The following SELENOH variants were observed in gnomAD, a reference collection of about 807,000 sequenced individuals.
The protein encoded by SELENOH is chromosome 11 open reading frame 31.
Under a neutral mutation model 11.9 loss-of-function variants are expected in SELENOH, and 13 were observed. That is an observed-to-expected ratio of 1.09 (90% CI 0.71 to 1.74). SELENOH has a LOEUF of 1.74. Ranked by LOEUF, SELENOH falls within the 40% of genes most tolerant of loss-of-function variation. The pLI is 0.00. For synonymous variants in SELENOH, 96 were observed against 73.5 expected (o/e 1.31, Z -1.56); for missense variants, 223 against 170.3 (o/e 1.31, Z -1.72).
Position 57,741,953 on chromosome 11 carries a change from C to CA in SELENOH, c.268dup (p.Ser90LysfsTer?), listed in dbSNP as rs781446739. The stretch of plus-strand genomic sequence containing the variant: ...TGACGCTGCTGCGCCCGGACGGCAG[C>CA]AGTAAGTGGGGACCTGGATGTGGGG... On this transcript the variant is annotated frameshift_variant and splice_region_variant, in exon 2 of 4. Coordinates refer to ENST00000534355, the MANE Select transcript of SELENOH (RefSeq NM_170746.4). LOFTEE classifies it high-confidence loss of function. 2,719 of 1,587,126 alleles carry CA rather than the reference C, an allele frequency of 1.7e-3. 20 individuals are homozygous for CA. The highest frequency in any genetic ancestry group is 1.0e-3 in the Non-Finnish European group (1,169 of 1,170,848).
intron 2 of SELENOH, 44 bp from the exon 3 acceptor site, chr11:57,742,073 T>C (rs529341659): frequency 6.3e-7 from 1 of 1,593,088 alleles, no homozygotes; most frequent in Non-Finnish European, 8.6e-7. Context: ...GACGTGCTCG[T>C]GGGTTCCGAA....
At chr11:57,742,020 G>A in intron 2 of SELENOH, 66 bp downstream of exon 2, 1 of 1,581,270 alleles carries the variant, frequency 6.3e-7, no homozygotes, top group Non-Finnish European at 8.6e-7. Context: ...CCGAAGACAG[G>A]AAGCGCTATT....
rs765394503 is a variant in SELENOH at position 57,741,645 on chromosome 11, T to G, written c.50T>G (p.Val17Gly). The change falls in exon 1 of 4, where the codon GTA (valine) becomes GGA (glycine). Residue 17 changes from valine (V) to glycine (G), a missense_variant. By Grantham distance (109) the Val-to-Gly change is moderately radical (BLOSUM62 -3). Transcript: ENST00000534355. The stretch of plus-strand genomic sequence containing the variant: ...AAGGCTGAGGCCGCGGTGGTCGCCG[T>G]AGCCGAGAAGCGAGAGAAGCTGGCG... ...KRKAEAAVVA[V>G]AEKREKLANG... 1 of 1,389,634 alleles carries G rather than the reference T, an allele frequency of 7.2e-7. No individual in the cohort carries two copies. Among genetic ancestry groups the G allele is most frequent in the Non-Finnish European group, 9.4e-7 (1 of 1,067,154 alleles). 86.1% of individuals were successfully genotyped at this position (1,389,634 alleles called of 1,614,324 possible).
rs897952498 is a variant in SELENOH at position 57,743,057 on chromosome 11, ACTTAAT to A, written c.*231_*236del. ...TAAAGTATTTGAGTAATAGAGTAAA[ACTTAAT>A]CTTAAGGGATGGACAAAGCCAGCCT... On this transcript the variant is annotated 3_prime_UTR_variant, in exon 4 of 4. Coordinates refer to ENST00000534355, the MANE Select transcript of SELENOH (RefSeq NM_170746.4). 6.6e-6 allele frequency: 1 copy of A among 152,598 alleles called. No individual in the cohort carries two copies. Among genetic ancestry groups the A allele is most frequent in the African/African-American group, 2.4e-5 (1 of 41,432 alleles). The allele number at this position is 152,598 out of a possible 1,614,324, so 9.5% of individuals were successfully genotyped here.
intron 3 of SELENOH, 163 bp downstream of exon 3, chr11:57,742,410 T>G: frequency 1.7e-6 from 1 of 590,506 alleles, no homozygotes; most frequent in Admixed American, 3.2e-5. Flanking sequence ...GAGACCCTAT[T>G]TGAAAACAAA....
rs750927441 is a variant in SELENOH, at chr11:57,741,943, C to T, written c.257C>T (p.Pro86Leu). 66 of 1,587,700 alleles carry T rather than the reference C, an allele frequency of 4.2e-5. No homozygotes were observed. The highest frequency in any genetic ancestry group is 3.4e-4 in the Middle Eastern group (2 of 5,940). ...RGSFEVTLLR[P>L]DGSSAELWTG... ...AGCTTCGAGGTGACGCTGCTGCGCC[C>T]GGACGGCAGCAGTAAGTGGGGACCT... Residue 86 changes from proline to leucine, a missense_variant, in exon 2 of 4, where the codon CCG (proline) becomes CTG (leucine). Transcript: ENST00000534355.
At position 57,741,938 on chromosome 11, in the gene SELENOH, G is replaced by T. The variant is rs1007501025; in HGVS notation, c.252G>T (p.Leu84=). Residue 84 remains leucine (L), a synonymous_variant, in exon 2 of 4, where the codon CTG becomes CTT. Coordinates refer to ENST00000534355, the MANE Select transcript of SELENOH (RefSeq NM_170746.4). ...PRRGSFEVTL[L]RPDGSSAELW... ...GGGGCAGCTTCGAGGTGACGCTGCT[G>T]CGCCCGGACGGCAGCAGTAAGTGGG... 3.8e-6 allele frequency: 6 copies of T among 1,588,674 alleles called. No individual in the cohort carries two copies. The highest frequency in any genetic ancestry group is 5.1e-6 in the Non-Finnish European group (6 of 1,172,074).
intron 3 of SELENOH, chr11:57,742,519 A>G: frequency 2.6e-6 from 1 of 377,810 alleles, no homozygotes; most frequent in Non-Finnish European, 4.9e-6. Context: ...GGGGGTATGG[A>G]CAAGTTTTCC....
Position 57,741,664 on chromosome 11 carries a change from G to A in SELENOH, c.69G>A (p.Lys23=). 1 of 1,463,182 alleles carries A rather than the reference G, an allele frequency of 6.8e-7. No homozygotes were observed. Among genetic ancestry groups the A allele is most frequent in the Non-Finnish European group, 9.0e-7 (1 of 1,107,948 alleles). The allele number at this position is 1,463,182 out of a possible 1,614,324, so 90.6% of individuals were successfully genotyped here. ...TCGCCGTAGCCGAGAAGCGAGAGAA[G>A]CTGGCGAACGGCGGGGAGGGAATGG... The part of the protein sequence containing the change: ...AVVAVAEKRE[K]LANGGEGMEE... The change falls in exon 1 of 4, where the codon AAG becomes AAA. Residue 23 remains lysine, a synonymous_variant. Coordinates refer to ENST00000534355, the MANE Select transcript of SELENOH (RefSeq NM_170746.4).
chr11:57,741,776 G>T (rs772219776), intron 1 of SELENOH, 33 bp from the exon 2 acceptor site: 81 of 1,601,584 alleles, frequency 5.1e-5, no homozygotes, highest in Non-Finnish European at 6.8e-5. Context: ...GGGGCCAGGG[G>T]CCCCGGTTTC....
chr11:57,742,591 C>T (rs1414916300), intron 3 of SELENOH: 2 of 261,740 alleles, frequency 7.6e-6, no homozygotes, highest in Non-Finnish European at 1.5e-5. Context: ...CTGTTTGGTT[C>T]TTGGGTGTTC....
At position 57,741,506 on chromosome 11, in the gene SELENOH, C is replaced by A; in HGVS notation, c.-90C>A. 9.6e-7 allele frequency: 1 copy of A among 1,038,074 alleles called. No individual in the cohort carries two copies. Among genetic ancestry groups the A allele is most frequent in the Non-Finnish European group, 1.2e-6 (1 of 808,566 alleles). 64.3% of individuals were successfully genotyped at this position (1,038,074 alleles called of 1,614,324 possible). A position where few individuals can be genotyped will look rare whatever the true frequency, so the allele number is the denominator to read the frequency against. ...CTGTAGGAGCAGAGCTTCCGGGCTG[C>A]GCTCTTCGTTGCCCAGTTTCCGCTC... On this transcript the variant is annotated 5_prime_UTR_variant, in exon 1 of 4. Transcript: ENST00000534355.
chr11:57,742,139 TAAG>T lies in SELENOH; in HGVS notation c.295_297del (p.Lys99del), dbSNP rs1175156121. ...CAGGTGCGGAGCTCTGGACTGGGAT[TAAG>T]AAGGGGCCCCCACGCAAACTCAAAT... On this transcript the variant is annotated inframe_deletion, in exon 3 of 4. Coordinates refer to ENST00000534355, the MANE Select transcript of SELENOH (RefSeq NM_170746.4). 4 of 1,611,914 alleles carry T rather than the reference TAAG, an allele frequency of 2.5e-6. No individual in the cohort carries two copies. Among genetic ancestry groups the T allele is most frequent in the Non-Finnish European group, 3.4e-6 (4 of 1,179,054 alleles).
chr11:57,741,605 C>A lies in SELENOH; in HGVS notation c.10C>A (p.Arg4Ser), dbSNP rs750669116. The change falls in exon 1 of 4, where the codon CGC (arginine) becomes AGC (serine). Residue 4 changes from arginine to serine, a missense_variant. Arg to Ser is a moderately radical substitution (Grantham distance 110). Coordinates refer to ENST00000534355, the MANE Select transcript of SELENOH (RefSeq NM_170746.4). ...CCGGGCTCTAGGCGCCATGGCTCCC[C>A]GCGGGAGGAAGCGTAAGGCTGAGGC... is the stretch of plus-strand genomic sequence containing the variant. MAP[R>S]GRKRKAEAAV... 3 of 1,272,892 alleles carry A rather than the reference C, an allele frequency of 2.4e-6. No individual in the cohort carries two copies. In the East Asian group the frequency reaches 9.0e-5, roughly 38 times the overall value. The allele number at this position is 1,272,892 out of a possible 1,614,324, so 78.8% of individuals were successfully genotyped here.
chr11:57,741,762 G>C (rs569454280), intron 1 of SELENOH, 45 bp downstream of exon 1: 349 of 1,568,960 alleles, frequency 2.2e-4, no homozygotes, highest in Non-Finnish European at 2.8e-4. Flanking sequence ...CAGTGGCGCC[G>C]GGGGGGGCCA....
intron 3 of SELENOH, chr11:57,742,460 G>T: frequency 2.0e-6 from 1 of 499,656 alleles, no homozygotes; most frequent in Non-Finnish European, 3.6e-6. Context: ...TGTCTAGTGT[G>T]CCCTAAGTGG....
rs774408150 is a variant in SELENOH at position 57,741,745 on chromosome 11, G to A, written c.122+28G>A. On this transcript the variant is annotated intron_variant, in intron 1 of 3. Transcript: ENST00000534355. ...GAGGGGCCTGGAGAGTAACGGGAGA[G>A]AGGGAACAGTGGCGCCGGGGGGGGC... is the stretch of plus-strand genomic sequence containing the variant. 19 of 1,599,062 alleles carry A rather than the reference G, an allele frequency of 1.2e-5. No homozygotes were observed. In the South Asian group the frequency reaches 1.7e-4, roughly 14 times the overall value.
In SELENOH at chr11:57,741,545, C is replaced by T. The variant is rs941359180; in HGVS notation, c.-51C>T. 2.6e-5 allele frequency: 32 copies of T among 1,239,382 alleles called. No individual in the cohort carries two copies. The highest frequency in any genetic ancestry group is 3.1e-4 in the Middle Eastern group (1 of 3,222). 76.8% of individuals were successfully genotyped at this position (1,239,382 alleles called of 1,614,324 possible). A position where few individuals can be genotyped will look rare whatever the true frequency, so the allele number is the denominator to read the frequency against. ...CAGTTTCCGCTCAGTGGTCGCGTCT[C>T]CGCCCCCCACCCACCAGTCCCGCTG... On this transcript the variant is annotated 5_prime_UTR_variant, in exon 1 of 4. Coordinates refer to ENST00000534355, the MANE Select transcript of SELENOH (RefSeq NM_170746.4).
intron 2 of SELENOH, 26 bp downstream of exon 2, chr11:57,741,980 A>G (rs1246365048): frequency 5.1e-6 from 8 of 1,580,698 alleles, no homozygotes; most frequent in Non-Finnish European, 6.9e-6. Context: ...GATGTGGGGG[A>G]GAGGGACGTG....
Sources: gnomAD v4.1 joint callset for allele counts on GRCh38, gnomAD v4.1.1 for gene constraint, MANE v1.5 for transcripts, NCBI Gene and HGNC (gene_info 2026-07-23, HGNC 2026-07-21) for gene names.